The following ATP11A variants were observed in gnomAD, a reference collection of about 807,000 sequenced individuals.
The protein encoded by ATP11A is phospholipid-transporting ATPase IH.
ATP11A carries 81 observed loss-of-function variants against 154.4 expected under a neutral mutation model. The observed-to-expected ratio is 0.52, with a 90% CI of 0.44 to 0.63. The LOEUF (loss-of-function observed/expected upper bound fraction) is 0.63. Among genes scored for constraint, ATP11A ranks in the 30% least tolerant of loss-of-function variants. ATP11A has a pLI of 0.00. For missense variants in ATP11A, 1,316 were observed against 1,474.3 expected, an observed-to-expected ratio of 0.89 and a Z score of 1.76; for synonymous variants, 623 against 585.9, an observed-to-expected ratio of 1.06 and a Z score of -0.91.
intron 26 of ATP11A, among the ~76,000 whole-genome samples, chr13:112,872,889 C>G (rs72485687): frequency 0.057 from 202 of 3,514 alleles, 7 homozygotes; most frequent in Middle Eastern, 0.17. Context: ...GTCTCCCGAA[C>G]GGTGTGAGGT....
intron 1 of ATP11A, among the ~76,000 whole-genome samples, chr13:112,757,112 T>C (rs79389158): frequency 0.014 from 2,119 of 152,328 alleles, 45 homozygotes; most frequent in African/African-American, 0.04. Context: ...TTACTGCTGC[T>C]ACAATCTGTA....
At chr13:112,727,834 G>A (rs1031021828) in intron 1 of ATP11A, among the ~76,000 whole-genome samples, 2 of 152,232 alleles carry the variant, frequency 1.3e-5, no homozygotes, top group South Asian at 2.1e-4. Context: ...GGACTCCGGC[G>A]CTGGGCGAGG....
At chr13:112,823,220 T>C (rs1276501125) in intron 8 of ATP11A, 125 bp from the exon 9 acceptor site, 2 of 733,286 alleles carry the variant, frequency 2.7e-6, no homozygotes, top group African/African-American at 3.5e-5. Context: ...AACCTCCGTG[T>C]ATGCCATCTC....
intron 28 of ATP11A, among the ~76,000 whole-genome samples, chr13:112,876,538 C>T (rs1043201079): frequency 1.3e-5 from 2 of 152,230 alleles, no homozygotes; most frequent in Non-Finnish European, 2.9e-5. Flanking sequence ...CGACCCACCT[C>T]TGCTGCTTTA....
At chr13:112,853,835 A>G (rs2079846024) in intron 18 of ATP11A, among the ~76,000 whole-genome samples, 1 of 152,218 alleles carries the variant, frequency 6.6e-6, no homozygotes, top group African/African-American at 2.4e-5. Context: ...GTTCTAAGTG[A>G]CAAACTTAGA....
At chr13:112,880,645 G>C (rs1323301571) in intron 29 of ATP11A, 3 of 1,293,796 alleles carry the variant, frequency 2.3e-6, no homozygotes, top group East Asian at 5.6e-5. Flanking sequence ...TTAGCTCCAC[G>C]CTAGGTAACT....
intron 29 of ATP11A, among the ~76,000 whole-genome samples, chr13:112,878,955 G>A (rs1051055584): frequency 6.6e-6 from 1 of 152,152 alleles, no homozygotes; most frequent in Non-Finnish European, 1.5e-5. Context: ...TTTCAAAAAA[G>A]CCTTCTATTA....
intron 1 of ATP11A, among the ~76,000 whole-genome samples, chr13:112,721,187 G>T (rs748541638): frequency 2.0e-5 from 3 of 152,196 alleles, no homozygotes; most frequent in Non-Finnish European, 4.4e-5. Flanking sequence ...TCATTAGGGA[G>T]TTGGAGTGTG....
Position 112,866,264 on chromosome 13 carries a change from T to C in ATP11A, c.2991+3689T>C, listed in dbSNP as rs1476566466. Among the ~76,000 whole-genome samples the C allele has an allele frequency of 3.3e-5, 5 of 152,204 alleles. No homozygotes were observed. In the East Asian group the frequency reaches 9.7e-4, roughly 29 times the overall value. Reference sequence around the variant, plus strand: ...AAATATTTTCAAACGTGAATTCCTGTGTGCTTTGTCGGTAGAAACGCTGTT... The same window carrying C: ...AAATATTTTCAAACGTGAATTCCTGCGTGCTTTGTCGGTAGAAACGCTGTT... On this transcript the variant is annotated intron_variant, in intron 25 of 29. Transcript: ENST00000375645.
chr13:112,862,457 C>G lies in ATP11A; in HGVS notation c.2873C>G (p.Ala958Gly), dbSNP rs2080140004. Residue 958 changes from alanine to glycine, a missense_variant, in exon 25 of 30, where the codon GCC becomes GGC. Around this residue, in one of 5 missense-constraint regions of ATP11A, gnomAD observed 294 missense variants for 290.2 expected, o/e 1.01. Transcript: ENST00000375645. ...CTCACCAGGGACGTCGCCAAGAATG[C>G]CCTGCTGCGCTGGCGCGTGTTCATC... ...PTLYRDVAKN[A>G]LLRWRVFIYW... The G allele has an allele frequency of 6.2e-7, 1 of 1,613,804 alleles. No homozygotes were observed. The highest frequency in any genetic ancestry group is 8.5e-7 in the Non-Finnish European group (1 of 1,180,006).
intron 1 of ATP11A, among the ~76,000 whole-genome samples, chr13:112,727,125 G>C (rs1001203219): frequency 5.9e-5 from 9 of 152,140 alleles, no homozygotes; most frequent in Admixed American, 3.9e-4. Flanking sequence ...TGGGCTCACT[G>C]CAATCTCCGC....
Position 112,785,149 on chromosome 13 carries a change from G to C in ATP11A, c.54G>C (p.Glu18Asp). The C allele has an allele frequency of 6.4e-7, 1 of 1,557,694 alleles. No individual in the cohort carries two copies. The highest frequency in any genetic ancestry group is 8.7e-7 in the Non-Finnish European group (1 of 1,153,508). The part of the protein sequence containing the change: ...TLVHRYCAGE[E>D]NWVDSRTIYV... ...CCTTTCCGCAGTGTGCAGGAGAAGA[G>C]AATTGGGTGGACAGCAGGACCATCT... Residue 18 changes from glutamate to aspartate, a missense_variant, in exon 2 of 30, where the codon GAG (glutamate) becomes GAC (aspartate). Glu to Asp is a conservative substitution (Grantham distance 45). Around this residue, in one of 5 missense-constraint regions of ATP11A, gnomAD observed 123 missense variants for 113.7 expected, o/e 1.08. Transcript: ENST00000375645. This position sits in a 1 kb window ranked among gnomAD's most constrained non-coding sequence, Gnocchi z 4.8.
intron 2 of ATP11A, among the ~76,000 whole-genome samples, chr13:112,795,560 A>C (rs2077978899): frequency 6.6e-6 from 1 of 152,226 alleles, no homozygotes; most frequent in East Asian, 1.9e-4. Flanking sequence ...TACTTCAGTA[A>C]ATGAAAGGTG....
chr13:112,865,910 C>T (rs1293571670), intron 25 of ATP11A, among the ~76,000 whole-genome samples: 1 of 152,220 alleles, frequency 6.6e-6, no homozygotes, highest in Non-Finnish European at 1.5e-5. Flanking sequence ...CAGTTTGTTA[C>T]CTAGTGGTAC....
intron 1 of ATP11A, among the ~76,000 whole-genome samples, chr13:112,725,561 C>T (rs903207283): frequency 6.6e-6 from 1 of 152,228 alleles, no homozygotes; most frequent in Non-Finnish European, 1.5e-5. Context: ...CAAGTGTGTG[C>T]TCTATGTGCT....
At chr13:112,702,236 C>G (rs1424354640) in intron 1 of ATP11A, among the ~76,000 whole-genome samples, 1 of 150,188 alleles carries the variant, frequency 6.7e-6, no homozygotes, top group Non-Finnish European at 1.5e-5. Context: ...ATCCCACCTA[C>G]TCGGGAGGCT....
At chr13:112,770,011 A>T (rs1203319704) in intron 1 of ATP11A, among the ~76,000 whole-genome samples, 1 of 152,220 alleles carries the variant, frequency 6.6e-6, no homozygotes, top group Admixed American at 6.5e-5. Flanking sequence ...TCATGAGTCC[A>T]GCGGAGTCTG....
intron 1 of ATP11A, among the ~76,000 whole-genome samples, chr13:112,716,462 T>C (rs1186402970): frequency 1.3e-5 from 2 of 152,090 alleles, no homozygotes; most frequent in Admixed American, 6.5e-5. Context: ...TGGGGGCCTG[T>C]GGGGGCCACC....
chr13:112,860,217 T>C, intron 23 of ATP11A, 70 bp from the exon 24 acceptor site: 1 of 1,541,140 alleles, frequency 6.5e-7, no homozygotes, highest in Non-Finnish European at 8.8e-7. Context: ...GAAAATATAT[T>C]TAATCAAAAG....
Sources: allele counts gnomAD v4.1 joint callset (sites outside exome capture counted in the v4.1 genomes callset), GRCh38; gene constraint gnomAD v4.1.1; regional missense constraint gnomAD v4.1.1; non-coding constraint Gnocchi (gnomAD v3.1); transcripts MANE v1.5; gene names NCBI Gene and HGNC (gene_info 2026-07-23, HGNC 2026-07-21).